Variants in PYHIN1 observed in about 807,000 individuals in gnomAD.
The protein encoded by PYHIN1 is pyrin and HIN domain-containing protein 1.
PYHIN1 carries 32 observed loss-of-function variants against 43.7 expected under a neutral mutation model. The ratio of observed to expected loss-of-function variants is 0.73; its 90% CI spans 0.55 to 0.98. PYHIN1 has a LOEUF of 0.98. Ranked by LOEUF, PYHIN1 falls within the 50% of genes least tolerant of loss-of-function variation. The pLI is 0.00. For missense variants in PYHIN1, 588 were observed against 589.5 expected, an observed-to-expected ratio of 1.00 and a Z score of 0.03; for synonymous variants, 205 against 203.1, an observed-to-expected ratio of 1.01 and a Z score of -0.08.
At chr1:158,941,230 C>A (rs1410174971) in intron 4 of PYHIN1, among the ~76,000 whole-genome samples, 1 of 152,178 alleles carries the variant, frequency 6.6e-6, no homozygotes, top group Non-Finnish European at 1.5e-5. Flanking sequence ...ACAACTTTCC[C>A]TTCATTAATG....
chr1:158,959,237 G>A (rs1024554544), intron 7 of PYHIN1, among the ~76,000 whole-genome samples: 1 of 152,160 alleles, frequency 6.6e-6, no homozygotes, highest in Non-Finnish European at 1.5e-5. Context: ...GCTGAGCTAA[G>A]GGTCCAGGCC....
chr1:158,960,876 T>C (rs1279393110), intron 7 of PYHIN1, among the ~76,000 whole-genome samples: 2 of 152,234 alleles, frequency 1.3e-5, no homozygotes, highest in African/African-American at 4.8e-5. Context: ...TTTATTTGGC[T>C]GTTTTTGAGA....
At chr1:158,951,990 A>C (rs1366449949) in intron 7 of PYHIN1, among the ~76,000 whole-genome samples, 1 of 152,186 alleles carries the variant, frequency 6.6e-6, no homozygotes, top group Non-Finnish European at 1.5e-5. Context: ...TGTCGCTTGT[A>C]TACAAGGAGC....
At chr1:158,939,563 T>G (rs751285470) in intron 4 of PYHIN1, 29 of 1,520,856 alleles carry the variant, frequency 1.9e-5, no homozygotes, top group Non-Finnish European at 2.3e-5. Context: ...GCTCACTAAT[T>G]TGTTCAAGTT....
At chr1:158,986,507 C>G in the PYHIN1 span, among the ~76,000 whole-genome samples, 1 of 152,136 alleles carries the variant, frequency 6.6e-6, no homozygotes, top group Non-Finnish European at 1.5e-5. Context: ...AGTCTACTGT[C>G]TAAACCATCT....
At chr1:158,975,969 A>C (rs1002518291) in intron 8 of PYHIN1, among the ~76,000 whole-genome samples, 4 of 152,128 alleles carry the variant, frequency 2.6e-5, no homozygotes, top group Admixed American at 2.6e-4. Context: ...ATATTAGCTC[A>C]TTCAATTATT....
intron 7 of PYHIN1, among the ~76,000 whole-genome samples, chr1:158,960,643 A>G (rs1024190220): frequency 2.0e-4 from 30 of 152,344 alleles, no homozygotes; most frequent in African/African-American, 7.0e-4. Context: ...TTTGTCTGAT[A>G]TAGGTTCTAT....
chr1:158,944,354 G>C (rs950867591), intron 6 of PYHIN1, among the ~76,000 whole-genome samples: 1 of 152,170 alleles, frequency 6.6e-6, no homozygotes, highest in Non-Finnish European at 1.5e-5. Context: ...CAATTGGTTT[G>C]AAAATTAAAT....
chr1:158,953,710 A>C (rs887696635), intron 7 of PYHIN1, among the ~76,000 whole-genome samples: 2 of 152,244 alleles, frequency 1.3e-5, no homozygotes, highest in Non-Finnish European at 2.9e-5. Flanking sequence ...TCCTCCAAAG[A>C]AACGCAGTTC....
the PYHIN1 span, among the ~76,000 whole-genome samples, chr1:158,984,010 T>C: frequency 6.7e-6 from 1 of 148,198 alleles, no homozygotes; most frequent in Non-Finnish European, 1.5e-5. Context: ...CTAATTGTAT[T>C]TATTTGGATC....
intron 4 of PYHIN1, chr1:158,939,847 C>A: frequency 3.3e-6 from 1 of 300,430 alleles, no homozygotes; most frequent in Non-Finnish European, 6.2e-6. Flanking sequence ...AAGATTAGGG[C>A]TAGTTTGTAA....
chr1:158,955,667 A>G (rs1296236969), intron 7 of PYHIN1, among the ~76,000 whole-genome samples: 1 of 109,856 alleles, frequency 9.1e-6, no homozygotes, highest in African/African-American at 3.5e-5. Flanking sequence ...TCCAAAATTG[A>G]CACCCTAACA....
chr1:158,959,997 T>C (rs1468017833), intron 7 of PYHIN1, among the ~76,000 whole-genome samples: 2 of 152,208 alleles, frequency 1.3e-5, no homozygotes, highest in African/African-American at 2.4e-5. Flanking sequence ...TAAATCACTA[T>C]TTTTACATTC....
At chr1:158,948,309 T>C (rs986033906) in intron 7 of PYHIN1, among the ~76,000 whole-genome samples, 2 of 152,134 alleles carry the variant, frequency 1.3e-5, no homozygotes, top group Non-Finnish European at 2.9e-5. Context: ...GGTGTGTGGA[T>C]CTATAGTGTG....
chr1:158,952,295 G>A (rs545364148), intron 7 of PYHIN1, among the ~76,000 whole-genome samples: 2 of 151,786 alleles, frequency 1.3e-5, no homozygotes, highest in Non-Finnish European at 2.9e-5. Flanking sequence ...GAGCTTCCCC[G>A]CTGCCGAGCC....
chr1:158,970,200 G>T (rs960030708), intron 7 of PYHIN1, among the ~76,000 whole-genome samples: 1 of 151,954 alleles, frequency 6.6e-6, no homozygotes, highest in African/African-American at 2.4e-5. Context: ...AATCAGCAAT[G>T]ATTTAAATTA....
At chr1:158,972,803 G>C (rs888766185) in intron 7 of PYHIN1, among the ~76,000 whole-genome samples, 2 of 152,024 alleles carry the variant, frequency 1.3e-5, no homozygotes, top group Admixed American at 6.6e-5. Context: ...AAATAAGACA[G>C]ATCATCTCTT....
intron 7 of PYHIN1, among the ~76,000 whole-genome samples, chr1:158,965,352 A>T (rs1020044927): frequency 2.6e-5 from 4 of 152,170 alleles, no homozygotes; most frequent in Admixed American, 2.6e-4. Context: ...AAAAAAAAAT[A>T]GCAAAGATAT....
chr1:158,939,214 A>G lies in PYHIN1; in HGVS notation c.546A>G (p.Ser182=), dbSNP rs749230813. ...GCCGTTCCCCACCTCCCCAGACCTC[A>G]TCATCAGCTCCACCCAACACTTCCT... ...AMGRSPPPQT[S]SSAPPNTSST... is the part of the protein sequence containing the mutation. The change falls in exon 4 of 9, where the codon TCA becomes TCG. Residue 182 remains serine, a synonymous_variant. Coordinates refer to ENST00000368140, the MANE Select transcript of PYHIN1 (RefSeq NM_152501.5). The G allele has an allele frequency of 6.2e-7, 1 of 1,608,840 alleles. No individual in the cohort carries two copies. Among genetic ancestry groups the G allele is most frequent in the Non-Finnish European group, 8.5e-7 (1 of 1,178,504 alleles).
Sources: gnomAD v4.1 joint callset for allele counts (sites outside exome capture counted in the v4.1 genomes callset) on GRCh38, gnomAD v4.1.1 for gene constraint, MANE v1.5 for transcripts, NCBI Gene and HGNC (gene_info 2026-07-23, HGNC 2026-07-21) for gene names.